B4GALNT2: variants seen among roughly 807,000 people sequenced by gnomAD.
The protein encoded by B4GALNT2 is beta-1,4-N-acetyl-galactosaminyltransferase 2 (SID blood group), also known as N-acetylneuraminylgalactosylglucosyl-glucoside beta-1,4-N- acetylgalactosaminyltransferase 2.
In B4GALNT2, 42 loss-of-function variants were observed where a neutral mutation model predicts 51.1. The ratio of observed to expected loss-of-function variants is 0.82; its 90% CI spans 0.64 to 1.06. The LOEUF (loss-of-function observed/expected upper bound fraction) is 1.06, where lower values mean the gene tolerates loss of function less well. B4GALNT2 is among the 50% of genes least tolerant of loss of function. B4GALNT2 has a pLI of 0.00. For synonymous variants in B4GALNT2, 253 were observed against 251.7 expected, an observed-to-expected ratio of 1.01 and a Z score of -0.05; for missense variants, 602 against 633.6, an observed-to-expected ratio of 0.95 and a Z score of 0.54.
Position 49,152,911 on chromosome 17 carries a change from G to T in B4GALNT2, c.460+5G>T, listed in dbSNP as rs562319756. 7 of 1,601,886 alleles carry T rather than the reference G, an allele frequency of 4.4e-6. No homozygotes were observed. The African/African-American group carries it at 6.7e-5, about 15-fold the overall frequency. ...TGCACACGGTTCCCATCCCAGGTAA[G>T]TACATCCACATACCAAGAGACCCCA... On this transcript the variant is annotated splice_donor_5th_base_variant and intron_variant, in intron 4 of 10. Coordinates refer to ENST00000393354, the MANE Select transcript of B4GALNT2 (RefSeq NM_001159387.2).
Position 49,159,083 on chromosome 17 carries a change from T to C in B4GALNT2, c.545T>C (p.Val182Ala). 6.2e-7 allele frequency: 1 copy of C among 1,614,232 alleles called. No individual in the cohort carries two copies. The highest frequency in any genetic ancestry group is 8.5e-7 in the Non-Finnish European group (1 of 1,180,038). The change falls in exon 6 of 11, where the codon GTC becomes GCC. Residue 182 changes from valine to alanine, a missense_variant. Transcript: ENST00000393354. ...SLGTLNTLADVPDSVVQGRGQ... is the reference protein window; with the variant it reads ...SLGTLNTLADAPDSVVQGRGQ... ...GGGACACTGAACACCCTTGCTGATG[T>C]CCCAGACAGTGTGGTGCAGGGCAGA...
chr17:49,140,235 G>A (rs975806715), intron 1 of B4GALNT2, among the ~76,000 whole-genome samples: 1 of 151,684 alleles, frequency 6.6e-6, no homozygotes, highest in Non-Finnish European at 1.5e-5. Context: ...CGAGTAGCTG[G>A]GACTACAGGC....
the B4GALNT2 span, among the ~76,000 whole-genome samples, chr17:49,121,433 A>G: frequency 6.6e-6 from 1 of 152,224 alleles, no homozygotes; most frequent in South Asian, 2.1e-4. Flanking sequence ...TTATGGCACT[A>G]GAATCTGTTG....
chr17:49,128,778 T>C (rs982309480), upstream of B4GALNT2, among the ~76,000 whole-genome samples: 4 of 152,210 alleles, frequency 2.6e-5, no homozygotes, highest in Non-Finnish European at 5.9e-5. Context: ...TTATATTTCC[T>C]GTAAGCCAAG....
At chr17:49,164,417 C>T (rs2042892717) in intron 8 of B4GALNT2, 142 bp downstream of exon 8, 2 of 665,254 alleles carry the variant, frequency 3.0e-6, no homozygotes, top group African/African-American at 3.6e-5. Context: ...GAGGGCTGTC[C>T]TCTGAGTCCC....
chr17:49,149,898 C>T (rs906546491), intron 3 of B4GALNT2, among the ~76,000 whole-genome samples: 2 of 152,152 alleles, frequency 1.3e-5, no homozygotes, highest in South Asian at 2.1e-4. Flanking sequence ...ACCTAACTAA[C>T]GTTTGCTATC....
the B4GALNT2 span, among the ~76,000 whole-genome samples, chr17:49,121,895 G>A: frequency 2.0e-5 from 3 of 152,156 alleles, no homozygotes; most frequent in South Asian, 2.1e-4. Flanking sequence ...AAAGAAACAC[G>A]AAAAATGGCT....
At chr17:49,143,825 T>C (rs1355090017) in intron 3 of B4GALNT2, among the ~76,000 whole-genome samples, 1 of 144,838 alleles carries the variant, frequency 6.9e-6, no homozygotes, top group Non-Finnish European at 1.5e-5. Flanking sequence ...ATGCATCAGC[T>C]GAGGTCTCTC....
At chr17:49,130,051 G>A (rs1368596037), upstream of B4GALNT2, among the ~76,000 whole-genome samples, 1 of 152,212 alleles carries the variant, frequency 6.6e-6, no homozygotes, top group Non-Finnish European at 1.5e-5. Flanking sequence ...CCCTGATCAA[G>A]CTGAAAAAGA....
intron 3 of B4GALNT2, among the ~76,000 whole-genome samples, chr17:49,152,269 T>C (rs1161104489): frequency 6.6e-6 from 1 of 151,992 alleles, no homozygotes. Context: ...GTCCCAGCTA[T>C]GAAAAGGCTG....
At chr17:49,139,915 T>C (rs2042625602) in intron 1 of B4GALNT2, among the ~76,000 whole-genome samples, 1 of 151,872 alleles carries the variant, frequency 6.6e-6, no homozygotes, top group South Asian at 2.1e-4. Context: ...CTTTTTTTTT[T>C]TTGAGACAGA....
intron 7 of B4GALNT2, among the ~76,000 whole-genome samples, chr17:49,163,817 G>A (rs2042885619): frequency 6.6e-6 from 1 of 151,656 alleles, no homozygotes; most frequent in South Asian, 2.1e-4. Flanking sequence ...TAACAGGCAG[G>A]AGGTGTAAAA....
intron 1 of B4GALNT2, chr17:49,133,264 G>A: frequency 2.8e-6 from 4 of 1,442,856 alleles, no homozygotes; most frequent in Non-Finnish European, 3.6e-6. Context: ...GTGGACAGTC[G>A]GGGAGCCCGG....
At chr17:49,121,857 TC>T in the B4GALNT2 span, among the ~76,000 whole-genome samples, 2 of 152,210 alleles carry the variant, frequency 1.3e-5, no homozygotes, top group South Asian at 2.1e-4. Flanking sequence ...TCTTCTTTAG[TC>T]CTCAGTGTAA....
rs1353708476 is a variant in B4GALNT2 at position 49,159,215 on chromosome 17, T to C, written c.677T>C (p.Ile226Thr). ...GGGTACCAGCACCAGAAGGTAGACA[T>C]AGGTGAGAGCCTGTCCTTGGAGTGC... ...STGYQHQKVD[I>T]VSLESRSSVA... Residue 226 changes from isoleucine (I) to threonine (T), a missense_variant and splice_region_variant, in exon 6 of 11, where the codon ATA becomes ACA. Physicochemically the swap from Ile to Thr is moderately conservative, Grantham distance 89 (BLOSUM62 -1). Transcript: ENST00000393354. 8.1e-6 allele frequency: 13 copies of C among 1,614,018 alleles called. No homozygotes were observed. The highest frequency in any genetic ancestry group is 1.1e-5 in the Non-Finnish European group (13 of 1,179,942).
At chr17:49,148,172 C>T (rs936909124) in intron 3 of B4GALNT2, among the ~76,000 whole-genome samples, 8 of 151,640 alleles carry the variant, frequency 5.3e-5, no homozygotes, top group Admixed American at 2.6e-4. Flanking sequence ...TGATGGTGGG[C>T]GCCTGTAATC....
At chr17:49,149,598 G>A (rs1021457518) in intron 3 of B4GALNT2, among the ~76,000 whole-genome samples, 1 of 151,678 alleles carries the variant, frequency 6.6e-6, no homozygotes. Context: ...AGTGAGCCGA[G>A]ATCACACCAC....
intron 5 of B4GALNT2, among the ~76,000 whole-genome samples, 196 bp downstream of exon 5, chr17:49,156,799 C>G (rs1445224117): frequency 6.6e-6 from 1 of 152,168 alleles, no homozygotes. Context: ...GAGAGGACTT[C>G]CCAGACCACA....
chr17:49,172,245 C>T lies in B4GALNT2; in HGVS notation c.*2517C>T, dbSNP rs1260002280. ...CTTGACATGGCTGCAACCAGGGGAT[C>T]CTCGGGATCCTCCTGGAATCTCTTC... On this transcript the variant is annotated 3_prime_UTR_variant, in exon 11 of 11. Coordinates refer to ENST00000393354, the MANE Select transcript of B4GALNT2 (RefSeq NM_001159387.2). 1.1e-5 allele frequency: 2 copies of T among 188,488 alleles called. No individual in the cohort carries two copies. Among genetic ancestry groups the T allele is most frequent in the African/African-American group, 4.7e-5 (2 of 42,306 alleles). The allele number at this position is 188,488 out of a possible 1,614,324, so 11.7% of individuals were successfully genotyped here.
Sources: allele counts gnomAD v4.1 joint callset (sites outside exome capture counted in the v4.1 genomes callset), GRCh38; gene constraint gnomAD v4.1.1; transcripts MANE v1.5; gene names NCBI Gene and HGNC (gene_info 2026-07-23, HGNC 2026-07-21).